The following AK8 variants were observed in gnomAD, a reference collection of about 807,000 sequenced individuals.
AK8 encodes the protein ATP-AMP transphosphorylase 8.
In AK8, 44 loss-of-function variants were observed where a neutral mutation model predicts 54.6. That is an observed-to-expected ratio of 0.81 (90% CI 0.63 to 1.04). The LOEUF is 1.04. Ranked by LOEUF, AK8 falls within the 50% of genes least tolerant of loss-of-function variation. The pLI, the probability that AK8 is intolerant of heterozygous loss-of-function variation, is 0.00. For synonymous variants in AK8, 239 were observed against 245.6 expected (o/e 0.97, Z 0.25); for missense variants, 555 against 613.6 (o/e 0.90, Z 1.01).
At position 132,814,741 on chromosome 9, in the gene AK8, G is replaced by C; in HGVS notation, c.890-14C>G. On this transcript the variant is annotated splice_polypyrimidine_tract_variant and intron_variant, in intron 9 of 12. Coordinates refer to ENST00000298545, the MANE Select transcript of AK8 (RefSeq NM_152572.3). Reference sequence around the variant, plus strand: ...GCCCACAGCAGACTGAAGGAGAGGGGAACAGAAAGACACCCATTAAATTTT... The same window carrying C: ...GCCCACAGCAGACTGAAGGAGAGGGCAACAGAAAGACACCCATTAAATTTT... The C allele has an allele frequency of 6.2e-7, 1 of 1,609,314 alleles. No individual in the cohort carries two copies. The highest frequency in any genetic ancestry group is 8.5e-7 in the Non-Finnish European group (1 of 1,177,258).
chr9:132,796,812 CACACAG>C (rs1408654769), intron 10 of AK8, among the ~76,000 whole-genome samples: 1 of 130,938 alleles, frequency 7.6e-6, no homozygotes, highest in Admixed American at 7.9e-5. Context: ...CACACACACA[CACACAG>C]AGGGAGGGGG....
intron 5 of AK8, among the ~76,000 whole-genome samples, chr9:132,838,129 A>G (rs771133983): frequency 3.3e-5 from 5 of 152,206 alleles, no homozygotes; most frequent in Non-Finnish European, 5.9e-5. Flanking sequence ...AAGGAGAAAT[A>G]AAACAAACAG....
In AK8 at chr9:132,725,768, T is replaced by C. The variant is rs1379913153; in HGVS notation, c.1360A>G (p.Asn454Asp). ...ACTGTGTATGGGTCCTGGTCCCCAT[T>C]GAGGGTGATGGCCGACCCATACAAC... The part of the protein sequence containing the change: ...EQLYGSAITL[N>D]GDQDPYTVFE... Residue 454 changes from asparagine (N) to aspartate (D), a missense_variant, in exon 13 of 13, where the codon AAT becomes GAT. Asn to Asp is a conservative substitution (Grantham distance 23). Coordinates refer to ENST00000298545, the MANE Select transcript of AK8 (RefSeq NM_152572.3). 6.3e-7 allele frequency: 1 copy of C among 1,599,858 alleles called. No individual in the cohort carries two copies. The highest frequency in any genetic ancestry group is 1.3e-5 in the African/African-American group (1 of 74,840).
intron 11 of AK8, among the ~76,000 whole-genome samples, chr9:132,743,725 G>T (rs2130986280): frequency 6.6e-6 from 1 of 152,216 alleles, no homozygotes; most frequent in East Asian, 1.9e-4. Context: ...CTACCTGCCG[G>T]GCACTGGTAG....
At chr9:132,821,591 T>TCTCAGTGGCTTTAG (rs1472554215) in intron 9 of AK8, among the ~76,000 whole-genome samples, 5 of 152,012 alleles carry the variant, frequency 3.3e-5, no homozygotes, top group Non-Finnish European at 5.9e-5. Context: ...TCCTTGCTGG[T>TCTCAGTGGCTTTAG]CTCAGTGGCT....
At chr9:132,818,212 T>C (rs189246477) in intron 9 of AK8, among the ~76,000 whole-genome samples, 19 of 152,268 alleles carry the variant, frequency 1.2e-4, no homozygotes, top group African/African-American at 4.3e-4. Context: ...CAAGAGCTGT[T>C]AAAGGAAGTT....
intron 4 of AK8, 107 bp from the exon 5 acceptor site, chr9:132,855,032 C>A (rs1843121599): frequency 2.6e-6 from 3 of 1,132,344 alleles, no homozygotes; most frequent in South Asian, 2.6e-5. Context: ...TGGAAAGCAC[C>A]GACCACCATC....
At chr9:132,726,956 A>T (rs1836605501) in intron 12 of AK8, among the ~76,000 whole-genome samples, 1 of 143,424 alleles carries the variant, frequency 7.0e-6, no homozygotes, top group African/African-American at 2.6e-5. Context: ...CCCGCCTCTT[A>T]GTGATTGTGG....
chr9:132,734,694 C>A (rs1837014295), intron 11 of AK8, among the ~76,000 whole-genome samples: 1 of 152,098 alleles, frequency 6.6e-6, no homozygotes, highest in African/African-American at 2.4e-5. Flanking sequence ...TACAATCACA[C>A]CACTGTACTC....
At chr9:132,749,538 C>G (rs867315421) in intron 11 of AK8, among the ~76,000 whole-genome samples, 1 of 151,908 alleles carries the variant, frequency 6.6e-6, no homozygotes, top group Admixed American at 6.6e-5. Context: ...GTAACTGTCA[C>G]CCCCATCTTA....
chr9:132,727,347 G>T, intron 12 of AK8, 107 bp downstream of exon 12: 1 of 1,026,238 alleles, frequency 9.7e-7, no homozygotes, highest in Non-Finnish European at 1.5e-6. Flanking sequence ...TCCTTCAGTG[G>T]TCACCAGTGT....
chr9:132,811,592 T>G (rs1241230368), intron 10 of AK8, among the ~76,000 whole-genome samples: 1 of 152,252 alleles, frequency 6.6e-6, no homozygotes, highest in Non-Finnish European at 1.5e-5. Context: ...AAATCTGTGT[T>G]GTTCTAAACC....
At position 132,826,760 on chromosome 9, in the gene AK8, G is replaced by T; in HGVS notation, c.757+94C>A. 7.2e-7 allele frequency: 1 copy of T among 1,395,662 alleles called. No individual in the cohort carries two copies. The highest frequency in any genetic ancestry group is 1.0e-6 in the Non-Finnish European group (1 of 997,958). 86.5% of individuals were successfully genotyped at this position (1,395,662 alleles called of 1,614,324 possible). A position where few individuals can be genotyped will look rare whatever the true frequency, so the allele number is the denominator to read the frequency against. ...GGGTCCCAGGCATGTCCCAGACACT[G>T]GCCACTACCAGAATAAGGGACAAAG... On this transcript the variant is annotated intron_variant, in intron 8 of 12. Coordinates refer to ENST00000298545, the MANE Select transcript of AK8 (RefSeq NM_152572.3). The surrounding 1 kb of genome is among the most constrained non-coding windows in gnomAD (Gnocchi z 4.5).
intron 1 of AK8, chr9:132,877,794 A>C (rs1588253376): frequency 6.1e-6 from 3 of 490,446 alleles, no homozygotes; most frequent in East Asian, 5.8e-5. Flanking sequence ...GACAGATGGT[A>C]ATTGTCAGCG....
Position 132,838,990 on chromosome 9 carries a change from T to C in AK8, c.403-10264A>G, listed in dbSNP as rs552909619. ...ACCGAGTCTCCAACTGTCGCCCAGA[T>C]GGAGAGTGCAGTGGTGTGATCTCGG... On this transcript the variant is annotated intron_variant, in intron 5 of 12. Coordinates refer to ENST00000298545, the MANE Select transcript of AK8 (RefSeq NM_152572.3). Among the ~76,000 whole-genome samples, 10 of 152,230 alleles carry C rather than the reference T, an allele frequency of 6.6e-5. 1 individual carries two copies. In the East Asian group the frequency reaches 1.9e-3, roughly 29 times the overall value.
chr9:132,827,927 T>C, intron 7 of AK8, 86 bp downstream of exon 7: 1 of 1,375,056 alleles, frequency 7.3e-7, no homozygotes. Flanking sequence ...CAGAGCAGAA[T>C]GCGAGGTCAG....
At chr9:132,782,128 C>T (rs191591708) in intron 11 of AK8, among the ~76,000 whole-genome samples, 4 of 152,254 alleles carry the variant, frequency 2.6e-5, no homozygotes, top group South Asian at 2.1e-4. Flanking sequence ...CCGTGGTGAA[C>T]GGAAGAGTGT....
chr9:132,812,045 A>T (rs1403670937), intron 10 of AK8, among the ~76,000 whole-genome samples: 1 of 152,118 alleles, frequency 6.6e-6, no homozygotes, highest in Admixed American at 6.5e-5. Context: ...TCTTCCAGGC[A>T]TACTATGGAA....
intron 10 of AK8, among the ~76,000 whole-genome samples, chr9:132,809,433 G>C (rs546949026): frequency 2.6e-4 from 39 of 152,276 alleles, no homozygotes; most frequent in African/African-American, 8.7e-4. Context: ...CTCCACGACA[G>C]GCCAAGTCCC....
Sources: gnomAD v4.1 joint callset for allele counts (sites outside exome capture counted in the v4.1 genomes callset) on GRCh38, gnomAD v4.1.1 for gene constraint, Gnocchi (gnomAD v3.1) non-coding constraint, MANE v1.5 for transcripts, NCBI Gene and HGNC (gene_info 2026-07-23, HGNC 2026-07-21) for gene names.